GTF3C2: variants seen among roughly 807,000 people sequenced by gnomAD.
GTF3C2 encodes general transcription factor 3C polypeptide 2.
In GTF3C2, 17 loss-of-function variants were observed where a neutral mutation model predicts 117.4. That is an observed-to-expected ratio of 0.14 (90% confidence interval 0.10 to 0.22). The LOEUF is 0.22. Among genes scored for constraint, GTF3C2 ranks in the 10% least tolerant of loss-of-function variants. GTF3C2 has a pLI of 1.00. For missense variants in GTF3C2, 888 were observed against 1,143.6 expected, an observed-to-expected ratio of 0.78 and a Z score of 3.22; for synonymous variants, 437 against 427.0, an observed-to-expected ratio of 1.02 and a Z score of -0.29.
At chr2:27,336,764 A>G (rs1227924034) in intron 7 of GTF3C2, 1 of 261,924 alleles carries the variant, frequency 3.8e-6, no homozygotes, top group African/African-American at 2.2e-5. Context: ...ATATGCCACC[A>G]TACCCCACTA....
At chr2:27,332,050 T>A (rs1056467576) in intron 12 of GTF3C2, among the ~76,000 whole-genome samples, 2 of 152,224 alleles carry the variant, frequency 1.3e-5, no homozygotes, top group African/African-American at 4.8e-5. Flanking sequence ...TCGCTTATAG[T>A]GAAGGAACAT....
At chr2:27,346,348 T>G (rs1680916378) in intron 1 of GTF3C2, among the ~76,000 whole-genome samples, 1 of 31,768 alleles carries the variant, frequency 3.1e-5, no homozygotes, top group African/African-American at 1.8e-4. Flanking sequence ...TTTTTTTTTT[T>G]TTTTTTTTTT....
intron 12 of GTF3C2, among the ~76,000 whole-genome samples, chr2:27,332,814 C>T (rs1680325433): frequency 6.6e-6 from 1 of 151,934 alleles, no homozygotes; most frequent in Non-Finnish European, 1.5e-5. Flanking sequence ...CTCCCAGCTT[C>T]AAGCGATTCT....
At chr2:27,349,837 G>C (rs755911312) in intron 1 of GTF3C2, among the ~76,000 whole-genome samples, 5 of 151,744 alleles carry the variant, frequency 3.3e-5, no homozygotes, top group African/African-American at 7.3e-5. Context: ...ACGGGGTCTG[G>C]CTGTGTTGGC....
At chr2:27,350,878 G>A (rs1681107005) in intron 1 of GTF3C2, among the ~76,000 whole-genome samples, 1 of 151,520 alleles carries the variant, frequency 6.6e-6, no homozygotes, top group African/African-American at 2.4e-5. Context: ...GAATACAGGA[G>A]GCAGAGTTTG....
chr2:27,346,965 G>A (rs1680939622), intron 1 of GTF3C2, among the ~76,000 whole-genome samples: 1 of 152,036 alleles, frequency 6.6e-6, no homozygotes, highest in Non-Finnish European at 1.5e-5. Flanking sequence ...CAAAGTGCTG[G>A]GATTACAGGT....
chr2:27,344,132 C>G (rs527403915), intron 1 of GTF3C2, among the ~76,000 whole-genome samples: 3 of 151,710 alleles, frequency 2.0e-5, no homozygotes, highest in Admixed American at 2.0e-4. Flanking sequence ...TCAAGCAATT[C>G]TCCTGCCTCA....
exon 17 of GTF3C2, chr2:27,328,131 G>T (rs762639747): frequency 2.4e-5 from 39 of 1,608,718 alleles, no homozygotes; most frequent in Non-Finnish European, 3.1e-5. Flanking sequence ...TGAAGCAGAA[G>T]AATGGTCTGG....
At chr2:27,330,544 AT>A (rs1217488415) in intron 12 of GTF3C2, among the ~76,000 whole-genome samples, 1 of 152,090 alleles carries the variant, frequency 6.6e-6, no homozygotes, top group African/African-American at 2.4e-5. Flanking sequence ...AAGCAACACA[AT>A]GTTGCTAGGT....
Position 27,336,062 on chromosome 2 carries a change from GGAA to G in GTF3C2, c.1356-37_1356-35del, listed in dbSNP as rs764834941. ...AGAGAGCATGTGGGGATGGTGGGTA[GGAA>G]GAAGGGACGCAGGGCTGCCAGAGGT... On this transcript the variant is annotated intron_variant, in intron 8 of 18. Transcript: ENST00000264720. The G allele has an allele frequency of 2.0e-6, 3 of 1,479,020 alleles. No individual in the cohort carries two copies. The South Asian group carries it at 3.4e-5, about 17-fold the overall frequency. The allele number at this position is 1,479,020 out of a possible 1,614,324, so 91.6% of individuals were successfully genotyped here.
chr2:27,327,684 G>A (rs919457048), intron 17 of GTF3C2, among the ~76,000 whole-genome samples: 4 of 142,948 alleles, frequency 2.8e-5, no homozygotes, highest in Admixed American at 2.2e-4. Flanking sequence ...CTGGAGTGCA[G>A]TGGTGTGACC....
chr2:27,344,855 C>T (rs547542289), intron 1 of GTF3C2, among the ~76,000 whole-genome samples: 7 of 152,022 alleles, frequency 4.6e-5, no homozygotes, highest in African/African-American at 9.6e-5. Context: ...CATGGTGGTG[C>T]GCACCTGTAG....
intron 2 of GTF3C2, 43 bp downstream of exon 2, chr2:27,343,265 G>T: frequency 6.3e-7 from 1 of 1,593,190 alleles, no homozygotes; most frequent in Non-Finnish European, 8.6e-7. Context: ...TTCATCTTAA[G>T]CTTGGCATGG....
Position 27,328,829 on chromosome 2 carries a change from G to T in GTF3C2, c.2127+15C>A, listed in dbSNP as rs1479913958. 2 of 1,593,384 alleles carry T rather than the reference G, an allele frequency of 1.3e-6. No individual in the cohort carries two copies. Among genetic ancestry groups the T allele is most frequent in the Non-Finnish European group, 1.7e-6 (2 of 1,161,606 alleles). On this transcript the variant is annotated intron_variant, in intron 15 of 18. Coordinates refer to ENST00000264720, the Ensembl canonical transcript of GTF3C2. ...TTCCTTTGTAATGAAGACTGCAAAA[G>T]AAAGGGGGGCTCACCCAAACGGTGC...
intron 1 of GTF3C2, among the ~76,000 whole-genome samples, chr2:27,349,464 G>A (rs1311564702): frequency 1.3e-5 from 2 of 151,956 alleles, no homozygotes; most frequent in East Asian, 3.9e-4. Flanking sequence ...GATTTTAAAA[G>A]ACAAATAACT....
At chr2:27,355,108 G>T (rs898409686) in intron 1 of GTF3C2, among the ~76,000 whole-genome samples, 1 of 151,980 alleles carries the variant, frequency 6.6e-6, no homozygotes, top group Non-Finnish European at 1.5e-5. Flanking sequence ...TTTAATTTTC[G>T]CCAATCTGAT....
intron 2 of GTF3C2, 38 bp downstream of exon 2, chr2:27,343,270 G>T (rs1303772561): frequency 1.3e-6 from 2 of 1,597,256 alleles, no homozygotes; most frequent in African/African-American, 1.3e-5. Context: ...CTTAAGCTTG[G>T]CATGGGGAAT....
At chr2:27,338,858 G>A (rs532079460) in intron 4 of GTF3C2, among the ~76,000 whole-genome samples, 1 of 151,316 alleles carries the variant, frequency 6.6e-6, no homozygotes, top group South Asian at 2.1e-4. Context: ...TTTAGAGACA[G>A]GGTCTTGCTG....
At chr2:27,339,409 C>CA (rs761860478) in intron 4 of GTF3C2, among the ~76,000 whole-genome samples, 1,204 of 46,412 alleles carry the variant, frequency 0.026, 19 homozygotes, top group African/African-American at 0.041. Context: ...AACTCCGTCT[C>CA]AAAAAAAAAA....
Sources: allele counts gnomAD v4.1 joint callset (sites outside exome capture counted in the v4.1 genomes callset), GRCh38; gene constraint gnomAD v4.1.1; transcripts MANE v1.5; gene names NCBI Gene and HGNC (gene_info 2026-07-23, HGNC 2026-07-21).